NIPAL2: variants seen among roughly 807,000 people sequenced by gnomAD.
NIPAL2 encodes NIPA-like protein 2.
Under a neutral mutation model 48.9 loss-of-function variants are expected in NIPAL2, and 43 were observed. The observed-to-expected ratio is 0.88, with a 90% CI of 0.69 to 1.13. The LOEUF is 1.13. Ranked by LOEUF, NIPAL2 falls within the 50% of genes most tolerant of loss-of-function variation. NIPAL2 has a pLI of 0.00. For synonymous variants in NIPAL2, 167 were observed against 174.6 expected, an observed-to-expected ratio of 0.96 and a Z score of 0.34; for missense variants, 446 against 461.4, an observed-to-expected ratio of 0.97 and a Z score of 0.31.
intron 1 of NIPAL2, among the ~76,000 whole-genome samples, chr8:98,274,618 T>C (rs1394490987): frequency 6.6e-6 from 1 of 152,076 alleles, no homozygotes; most frequent in Non-Finnish European, 1.5e-5. Context: ...ATCACTCTTT[T>C]GATATTTCCT....
intron 10 of NIPAL2, chr8:98,193,447 G>A (rs1346078288): frequency 6.2e-7 from 1 of 1,611,320 alleles, no homozygotes; most frequent in South Asian, 1.1e-5. Flanking sequence ...TAACAACATA[G>A]AAAAATAGCC....
At chr8:98,283,342 A>G (rs369918982) in intron 1 of NIPAL2, among the ~76,000 whole-genome samples, 3 of 152,328 alleles carry the variant, frequency 2.0e-5, no homozygotes, top group African/African-American at 7.2e-5. Flanking sequence ...AGGGCTTTTA[A>G]CACTTTGTCA....
intron 3 of NIPAL2, among the ~76,000 whole-genome samples, chr8:98,243,248 G>A (rs1216876367): frequency 6.6e-6 from 1 of 152,182 alleles, no homozygotes. Context: ...TGTTCTTTTG[G>A]CTATTAAGTG....
At chr8:98,202,405 A>T (rs895877885) in intron 8 of NIPAL2, among the ~76,000 whole-genome samples, 1 of 152,150 alleles carries the variant, frequency 6.6e-6, no homozygotes, top group African/African-American at 2.4e-5. Flanking sequence ...GTCCCCTCCA[A>T]ATCATATGTT....
chr8:98,204,971 G>T, intron 7 of NIPAL2, 140 bp downstream of exon 7: 2 of 862,946 alleles, frequency 2.3e-6, no homozygotes, highest in Non-Finnish European at 3.7e-6. Flanking sequence ...AGGCATGTTG[G>T]CTGAGGACAA....
intron 1 of NIPAL2, among the ~76,000 whole-genome samples, chr8:98,286,647 A>G (rs1050649622): frequency 2.0e-5 from 3 of 151,942 alleles, no homozygotes; most frequent in Non-Finnish European, 4.4e-5. Context: ...TGTCTCTACT[A>G]AAAATACAAA....
rs371043462 is a variant in NIPAL2 at position 98,196,742 on chromosome 8, G to A, written c.881-737C>T. 1.2e-3 allele frequency among the ~76,000 whole-genome samples: 185 copies of A among 152,268 alleles called. 1 individual carries two copies. The highest frequency in any genetic ancestry group is 4.0e-3 in the African/African-American group (166 of 41,548). On this transcript the variant is annotated intron_variant, in intron 8 of 10. Transcript: ENST00000430223. ...CTGGAATTAATTTTTTATGTGTGTGGTGTTATCCTTGTTAGCCAGCCAACC... is the reference window on the plus strand; with the variant it reads ...CTGGAATTAATTTTTTATGTGTGTGATGTTATCCTTGTTAGCCAGCCAACC...
chr8:98,259,323 T>C (rs200320198), intron 1 of NIPAL2, among the ~76,000 whole-genome samples: 1 of 151,728 alleles, frequency 6.6e-6, no homozygotes, highest in Admixed American at 6.6e-5. Flanking sequence ...GATCCGCCCG[T>C]CTCGGCCTCC....
intron 2 of NIPAL2, 21 bp downstream of exon 2, chr8:98,253,997 GA>G: frequency 6.4e-7 from 1 of 1,566,666 alleles, no homozygotes. Flanking sequence ...TATAGTGTTA[GA>G]AAAATAAGCT....
Position 98,192,984 on chromosome 8 carries a change from CT to C in NIPAL2, c.1145del (p.Glu382GlyfsTer5). ...STKSQSGEKK[E>X]V ...CAGCCATCCTTCTCAGCATTTAGAC[CT>C]CTTTCTTCTCTCCACTTTGGCTCTT... On this transcript the variant is annotated frameshift_variant, in exon 11 of 11. Coordinates refer to ENST00000430223, the MANE Select transcript of NIPAL2 (RefSeq NM_001321635.2). LOFTEE classifies it high-confidence loss of function. The C allele has an allele frequency of 1.2e-6, 2 of 1,606,708 alleles. No individual in the cohort carries two copies. The highest frequency in any genetic ancestry group is 1.7e-6 in the Non-Finnish European group (2 of 1,173,380).
At chr8:98,279,880 A>G (rs939870109) in intron 1 of NIPAL2, among the ~76,000 whole-genome samples, 6 of 152,236 alleles carry the variant, frequency 3.9e-5, no homozygotes, top group Admixed American at 6.5e-5. Context: ...TCACCACTGC[A>G]GCGTAATTTC....
chr8:98,192,911 T>G lies in NIPAL2; in HGVS notation c.*67A>C. On this transcript the variant is annotated 3_prime_UTR_variant, in exon 11 of 11. Coordinates refer to ENST00000430223, the MANE Select transcript of NIPAL2 (RefSeq NM_001321635.2). ...CTTATAAAAGAGCTGCTGACACAAATTGAACATGTGCAATTTTTTAAAAAG... is the reference window on the plus strand; with the variant it reads ...CTTATAAAAGAGCTGCTGACACAAAGTGAACATGTGCAATTTTTTAAAAAG... The G allele has an allele frequency of 4.2e-6, 4 of 957,662 alleles. No individual in the cohort carries two copies. Among genetic ancestry groups the G allele is most frequent in the Non-Finnish European group, 5.1e-6 (3 of 591,178 alleles). The allele number at this position is 957,662 out of a possible 1,614,324, so 59.3% of individuals were successfully genotyped here. A position where few individuals can be genotyped will look rare whatever the true frequency, so the allele number is the denominator to read the frequency against.
rs1376556201 is a variant in NIPAL2, at chr8:98,222,393, G to C, written c.558+86C>G. The C allele has an allele frequency of 1.4e-5, 19 of 1,365,742 alleles. No individual in the cohort carries two copies. In the African/African-American group the frequency reaches 2.5e-4, roughly 18 times the overall value. 84.6% of individuals were successfully genotyped at this position (1,365,742 alleles called of 1,614,324 possible). A position where few individuals can be genotyped will look rare whatever the true frequency, so the allele number is the denominator to read the frequency against. ...TTAATAAGATATTAGTGCTGGTAAG[G>C]AAAAGATTATGTTCTCTAATATCTG... On this transcript the variant is annotated intron_variant, in intron 5 of 10. Transcript: ENST00000430223.
intron 4 of NIPAL2, among the ~76,000 whole-genome samples, chr8:98,226,576 A>G (rs1191600977): frequency 6.6e-6 from 1 of 151,690 alleles, no homozygotes; most frequent in African/African-American, 2.4e-5. Context: ...CTTTCTCCCA[A>G]ACAAACAGTC....
intron 1 of NIPAL2, among the ~76,000 whole-genome samples, chr8:98,262,451 A>AAAAC (rs1373772839): frequency 6.6e-6 from 1 of 151,474 alleles, no homozygotes; most frequent in African/African-American, 2.4e-5. Context: ...AAGCAAATGG[A>AAAAC]AAACAAAAAA....
chr8:98,260,421 G>A lies in NIPAL2; in HGVS notation c.136-6334C>T, dbSNP rs1163961353. On this transcript the variant is annotated intron_variant, in intron 1 of 10. Transcript: ENST00000430223. ...AGTGGGCGCAGCTCAGTGGGTGCGC[G>A]CACCGTGTGCGAGCCGAAGCAGGGC... Among the ~76,000 whole-genome samples, 11 of 152,250 alleles carry A rather than the reference G, an allele frequency of 7.2e-5. 1 individual carries two copies. Among genetic ancestry groups the A allele is most frequent in the Non-Finnish European group, 8.8e-5 (6 of 68,022 alleles).
chr8:98,230,350 A>G (rs1338910584), intron 4 of NIPAL2, among the ~76,000 whole-genome samples: 1 of 152,094 alleles, frequency 6.6e-6, no homozygotes, highest in Non-Finnish European at 1.5e-5. Flanking sequence ...TTAGAAGAGC[A>G]CTCTCAAACT....
At chr8:98,266,849 A>T (rs1814791541) in intron 1 of NIPAL2, among the ~76,000 whole-genome samples, 1 of 152,218 alleles carries the variant, frequency 6.6e-6, no homozygotes, top group African/African-American at 2.4e-5. Flanking sequence ...CCGCTTATGA[A>T]ACTATGATGC....
chr8:98,288,644 T>A (rs926466418), intron 1 of NIPAL2, among the ~76,000 whole-genome samples: 2 of 151,036 alleles, frequency 1.3e-5, no homozygotes, highest in Admixed American at 6.6e-5. Context: ...TGAACTAGTT[T>A]ACAGTCCCAC....
Sources: gnomAD v4.1 joint callset for allele counts (sites outside exome capture counted in the v4.1 genomes callset) on GRCh38, gnomAD v4.1.1 for gene constraint, MANE v1.5 for transcripts, NCBI Gene and HGNC (gene_info 2026-07-23, HGNC 2026-07-21) for gene names.